VPS13D: variants seen among roughly 807,000 people sequenced by gnomAD.
VPS13D encodes the protein vacuolar protein sorting 13 homolog D.
Under a neutral mutation model 461.9 loss-of-function variants are expected in VPS13D, and 187 were observed. The observed-to-expected ratio is 0.40, with a 90% CI of 0.36 to 0.46. The LOEUF (loss-of-function observed/expected upper bound fraction) is 0.46. Among genes scored for constraint, VPS13D ranks in the 20% least tolerant of loss-of-function variants. The pLI, the probability that VPS13D is intolerant of heterozygous loss-of-function variation, is 0.60. For missense variants in VPS13D, 4,711 were observed against 5,364.9 expected (o/e 0.88, Z 3.81); for synonymous variants, 1,951 against 1,986.3 (o/e 0.98, Z 0.47).
At chr1:12,434,210 T>C (rs1570163992) in intron 65 of VPS13D, among the ~76,000 whole-genome samples, 1 of 152,280 alleles carries the variant, frequency 6.6e-6, no homozygotes, top group African/African-American at 2.4e-5. Flanking sequence ...GGGAACATCC[T>C]GTTGTTGAAA....
chr1:12,264,642 T>C (rs989491378), intron 13 of VPS13D, among the ~76,000 whole-genome samples: 3 of 152,172 alleles, frequency 2.0e-5, no homozygotes, highest in African/African-American at 7.2e-5. Flanking sequence ...GTGAGGAAAC[T>C]GCAGAAGAAA....
Position 12,383,131 on chromosome 1 carries a change from A to G in VPS13D, c.11346A>G (p.Pro3782=), listed in dbSNP as rs749165746. 2 of 1,613,926 alleles carry G rather than the reference A, an allele frequency of 1.2e-6. No homozygotes were observed. Among genetic ancestry groups the G allele is most frequent in the African/African-American group, 2.7e-5 (2 of 74,932 alleles). Residue 3782 remains proline (P), a synonymous_variant, in exon 58 of 70, where the codon CCA becomes CCG. Transcript: ENST00000620676. ...GSGMLSIRVI[P]DGPTRALQIT... ...GAATGTTATCCATCAGAGTCATCCC[A>G]GATGGACCAACTAGAGCACTCCAGG... is the stretch of plus-strand genomic sequence containing the variant.
chr1:12,242,701 G>T, intron 3 of VPS13D, 111 bp downstream of exon 3: 1 of 882,192 alleles, frequency 1.1e-6, no homozygotes, highest in Non-Finnish European at 1.8e-6. Flanking sequence ...GAAGGATATA[G>T]CAAATGTTAG....
intron 46 of VPS13D, among the ~76,000 whole-genome samples, chr1:12,352,965 CAAAAAAAAAAAA>C (rs61588046): frequency 1.8e-3 from 31 of 17,586 alleles, no homozygotes; most frequent in East Asian, 0.011. Context: ...AACTCAGTCT[CAAAAAAAAAAAA>C]AAAAAAAAAA....
At chr1:12,380,888 G>C (rs753453128) in intron 57 of VPS13D, among the ~76,000 whole-genome samples, 90 of 152,178 alleles carry the variant, frequency 5.9e-4, no homozygotes, top group Admixed American at 4.6e-4. Context: ...ATCTGGAATG[G>C]ATTTGTGATT....
chr1:12,496,849 G>A (rs2100540470), intron 67 of VPS13D, among the ~76,000 whole-genome samples: 1 of 152,340 alleles, frequency 6.6e-6, no homozygotes, highest in East Asian at 1.9e-4. Flanking sequence ...CCCAGCCTGT[G>A]GCCTGGGCCA....
chr1:12,361,687 G>T (rs573098319), intron 50 of VPS13D, among the ~76,000 whole-genome samples: 1 of 151,370 alleles, frequency 6.6e-6, no homozygotes, highest in East Asian at 2.0e-4. Context: ...GAGCCACCAC[G>T]CCCGGCCTGA....
chr1:12,296,180 C>G (rs114365051), intron 24 of VPS13D, among the ~76,000 whole-genome samples: 24 of 152,218 alleles, frequency 1.6e-4, no homozygotes, highest in African/African-American at 5.5e-4. Flanking sequence ...TCTGAGATAC[C>G]TGGCAGTGGA....
chr1:12,295,668 T>A (rs1484497364), intron 24 of VPS13D, among the ~76,000 whole-genome samples: 2 of 152,180 alleles, frequency 1.3e-5, no homozygotes, highest in Non-Finnish European at 2.9e-5. Context: ...TCAAAAAAAA[T>A]TTAGCGTTTT....
chr1:12,496,638 A>T (rs950420029), intron 67 of VPS13D, among the ~76,000 whole-genome samples: 2 of 152,268 alleles, frequency 1.3e-5, no homozygotes, highest in Non-Finnish European at 2.9e-5. Context: ...GTGCACTCTT[A>T]TCAGTCATCT....
chr1:12,466,892 A>C (rs1044887809), intron 67 of VPS13D, among the ~76,000 whole-genome samples: 29 of 152,346 alleles, frequency 1.9e-4, no homozygotes, highest in African/African-American at 6.7e-4. Flanking sequence ...ACTGTCAAAT[A>C]TCTCCTCTGT....
At chr1:12,459,239 T>TTTG (rs1645371078) in intron 66 of VPS13D, among the ~76,000 whole-genome samples, 1 of 152,196 alleles carries the variant, frequency 6.6e-6, no homozygotes, top group East Asian at 1.9e-4. Context: ...CTGTATTGAC[T>TTTG]CCACACAAAT....
chr1:12,389,063 C>T (rs1029047188), intron 60 of VPS13D, among the ~76,000 whole-genome samples: 2 of 152,196 alleles, frequency 1.3e-5, no homozygotes, highest in African/African-American at 2.4e-5. Flanking sequence ...GCAAGGAGAA[C>T]CAGTCCGAGT....
intron 24 of VPS13D, among the ~76,000 whole-genome samples, chr1:12,295,222 C>CAAAAAAAAAAAA (rs112447551): frequency 1.4e-5 from 1 of 72,980 alleles, no homozygotes; most frequent in Admixed American, 1.2e-4. Context: ...CACCATGACT[C>CAAAAAAAAAAAA]AAAAAAAAAA....
chr1:12,275,941 A>G lies in VPS13D; in HGVS notation c.2353A>G (p.Ser785Gly). The G allele has an allele frequency of 1.2e-6, 2 of 1,614,064 alleles. No homozygotes were observed. The highest frequency in any genetic ancestry group is 1.7e-6 in the Non-Finnish European group (2 of 1,180,016). ...TAACACCCCACCTCCCGAGTCAAGCAGCAGCAACGGAGAGAAAACACCTCC... is the reference window on the plus strand; with the variant it reads ...TAACACCCCACCTCCCGAGTCAAGCGGCAGCAACGGAGAGAAAACACCTCC... ...PPNTPPPESS[S>G]SNGEKTPPFS... is the part of the protein sequence containing the mutation. The change falls in exon 19 of 70, where the codon AGC becomes GGC. Residue 785 changes from serine (S) to glycine (G), a missense_variant. Ser to Gly is a moderately conservative substitution (Grantham distance 56). This residue lies in a region of VPS13D where 4,411 missense variants were observed against 4,937.8 expected (regional missense o/e 0.89). Coordinates refer to ENST00000620676, the MANE Select transcript of VPS13D (RefSeq NM_015378.4).
intron 65 of VPS13D, among the ~76,000 whole-genome samples, chr1:12,436,471 C>G (rs1282363775): frequency 1.3e-5 from 2 of 152,124 alleles, no homozygotes; most frequent in African/African-American, 4.8e-5. Context: ...GAATGAGGAG[C>G]TGGCCTAGTG....
Position 12,314,318 on chromosome 1 carries a change from T to C in VPS13D, c.7139T>C (p.Leu2380Pro). The C allele has an allele frequency of 6.2e-7, 1 of 1,612,990 alleles. No homozygotes were observed. Among genetic ancestry groups the C allele is most frequent in the Non-Finnish European group, 8.5e-7 (1 of 1,179,066 alleles). Residue 2380 changes from leucine (L) to proline (P), a missense_variant, in exon 30 of 70, where the codon CTA (leucine) becomes CCA (proline). Transcript: ENST00000620676. ...ACCCAAGGGTCCATTCAGATTGAAC[T>C]ACATTTCAGGTAGCAGGTCCAGACC... ...STTQGSIQIELHFRSTKDSSC... is the reference protein window; with the variant it reads ...STTQGSIQIEPHFRSTKDSSC...
intron 67 of VPS13D, among the ~76,000 whole-genome samples, chr1:12,468,760 C>T (rs1278651409): frequency 2.6e-5 from 4 of 152,162 alleles, no homozygotes; most frequent in Non-Finnish European, 4.4e-5. Context: ...AGGCTGGGCG[C>T]GGTGGCTCAC....
chr1:12,506,740 AG>A, intron 68 of VPS13D, 112 bp from the exon 69 acceptor site: 2 of 1,366,388 alleles, frequency 1.5e-6, no homozygotes, highest in African/African-American at 1.5e-5. Flanking sequence ...TTTCCCGGCA[AG>A]GGGGCCGGGA....
Sources: gnomAD v4.1 joint callset for allele counts (sites outside exome capture counted in the v4.1 genomes callset) on GRCh38, gnomAD v4.1.1 for gene constraint, gnomAD v4.1.1 regional missense constraint, MANE v1.5 for transcripts, NCBI Gene and HGNC (gene_info 2026-07-23, HGNC 2026-07-21) for gene names.